The following FOCAD variants were observed in gnomAD, a reference collection of about 807,000 sequenced individuals.
FOCAD encodes the protein KIAA1797.
A neutral mutation model predicts 225.6 loss-of-function variants in FOCAD; 198 were observed. The observed-to-expected ratio is 0.88, with a 90% CI of 0.78 to 0.99. The LOEUF is 0.99. Among genes scored for constraint, FOCAD ranks in the 50% least tolerant of loss-of-function variants. FOCAD has a pLI of 0.00. For missense variants in FOCAD, 2,713 were observed against 2,123.6 expected, an observed-to-expected ratio of 1.28 and a Z score of -5.46; for synonymous variants, 897 against 755.0, an observed-to-expected ratio of 1.19 and a Z score of -3.08.
At chr9:20,691,551 G>T (rs865962298) in intron 1 of FOCAD, among the ~76,000 whole-genome samples, 2 of 151,644 alleles carry the variant, frequency 1.3e-5, no homozygotes, top group African/African-American at 4.9e-5. Flanking sequence ...GCGTCATCTC[G>T]GCTCACTGCA....
At chr9:20,772,897 GAT>G (rs1251444534) in intron 8 of FOCAD, among the ~76,000 whole-genome samples, 1 of 151,036 alleles carries the variant, frequency 6.6e-6, no homozygotes, top group Non-Finnish European at 1.5e-5. Flanking sequence ...ATGTGTAGTA[GAT>G]ATATATATGT....
intron 15 of FOCAD, among the ~76,000 whole-genome samples, chr9:20,828,674 AG>A (rs1489997310): frequency 1.3e-5 from 2 of 152,234 alleles, no homozygotes; most frequent in African/African-American, 4.8e-5. Flanking sequence ...CAGGATATGC[AG>A]GTGTGTTACA....
rs1316326762 is a variant in FOCAD at position 20,995,576 on chromosome 9, G to A, written c.5353G>A (p.Val1785Ile). The A allele has an allele frequency of 1.2e-6, 2 of 1,612,732 alleles. No individual in the cohort carries two copies. The highest frequency in any genetic ancestry group is 1.7e-6 in the Non-Finnish European group (2 of 1,178,970). ...CTTAGCCACCCTGCTGTCCTTGAGA[G>A]TTCTCCCAGAGTTTAAGAAGAAAGC... Reference protein sequence around the residue: ...LLKATLLSLRVLPEFKKKAVW... With the variant: ...LLKATLLSLRILPEFKKKAVW... Residue 1785 changes from valine (V) to isoleucine (I), a missense_variant, in exon 44 of 44, where the codon GTT becomes ATT. Coordinates refer to ENST00000338382, the MANE Select transcript of FOCAD (RefSeq NM_001375567.1).
At chr9:20,911,600 G>A (rs1031692774) in intron 22 of FOCAD, among the ~76,000 whole-genome samples, 4 of 152,092 alleles carry the variant, frequency 2.6e-5, no homozygotes, top group African/African-American at 7.2e-5. Flanking sequence ...ATCTAATAAC[G>A]GTAGCTATTA....
intron 30 of FOCAD, among the ~76,000 whole-genome samples, chr9:20,947,111 T>A (rs1229940243): frequency 2.6e-5 from 4 of 152,118 alleles, no homozygotes; most frequent in African/African-American, 9.7e-5. Context: ...ATAAAATATA[T>A]GGCTAGGGAA....
chr9:20,684,111 G>C (rs1287876886), upstream of FOCAD: 22 of 152,302 alleles, frequency 1.4e-4, no homozygotes, highest in Admixed American at 1.4e-3. Flanking sequence ...TGCGCGGCCC[G>C]GGCCTTAGAC....
chr9:20,805,049 C>T (rs539660314), intron 11 of FOCAD, among the ~76,000 whole-genome samples: 18 of 152,148 alleles, frequency 1.2e-4, no homozygotes, highest in East Asian at 9.7e-4. Flanking sequence ...TAATAGTTTC[C>T]GCAGGGAAAT....
At chr9:20,713,474 AGT>A (rs985567798) in intron 1 of FOCAD, among the ~76,000 whole-genome samples, 5 of 152,334 alleles carry the variant, frequency 3.3e-5, no homozygotes, top group African/African-American at 1.2e-4. Context: ...TAAAATGGAA[AGT>A]GTGCACTTCT....
intron 11 of FOCAD, among the ~76,000 whole-genome samples, chr9:20,816,917 A>T (rs575782159): frequency 1.3e-5 from 2 of 152,278 alleles, no homozygotes; most frequent in African/African-American, 4.8e-5. Flanking sequence ...AAAGTGTATG[A>T]AAGGATGTGC....
At chr9:20,921,001 A>G (rs931148588) in intron 24 of FOCAD, among the ~76,000 whole-genome samples, 16 of 151,394 alleles carry the variant, frequency 1.1e-4, no homozygotes, top group Non-Finnish European at 1.5e-5. Flanking sequence ...AAATAAATAA[A>G]TGAAGGTGAA....
chr9:20,770,137 A>G lies in FOCAD; in HGVS notation c.805A>G (p.Ser269Gly), dbSNP rs758140968. 3.7e-6 allele frequency: 6 copies of G among 1,613,994 alleles called. No homozygotes were observed. The Admixed American group carries it at 8.3e-5, about 22-fold the overall frequency. Residue 269 changes from serine to glycine, a missense_variant, in exon 8 of 44, where the codon AGT (serine) becomes GGT (glycine). Transcript: ENST00000338382. ...VFWKIQLTQMSLQLLCVSEVS... is the reference protein window; with the variant it reads ...VFWKIQLTQMGLQLLCVSEVS... ...CTGGAAAATTCAGCTTACCCAGATG[A>G]GTCTTCAGCTGCTGTGTGTCAGTGA...
intron 4 of FOCAD, among the ~76,000 whole-genome samples, chr9:20,735,658 A>G (rs556737894): frequency 1.1e-4 from 17 of 151,632 alleles, no homozygotes; most frequent in Admixed American, 1.0e-3. Flanking sequence ...TAGGACTACA[A>G]GTGTGTGCCA....
rs140399636 is a variant in FOCAD, at chr9:20,733,286, G to A, written c.288-6950G>A. On this transcript the variant is annotated intron_variant, in intron 4 of 43. Coordinates refer to ENST00000338382, the MANE Select transcript of FOCAD (RefSeq NM_001375567.1). ...ATACAGGTCCTAAGCAGAAGACACC[G>A]TGGTTATTTCATTGTTTATTTCAAT... Among the ~76,000 whole-genome samples the A allele has an allele frequency of 4.6e-4, 70 of 152,242 alleles. 1 individual carries two copies. Among genetic ancestry groups the A allele is most frequent in the African/African-American group, 1.4e-3 (60 of 41,548 alleles).
chr9:20,929,420 G>A lies in FOCAD; in HGVS notation c.3141G>A (p.Leu1047=), dbSNP rs763086745. The change falls in exon 27 of 44, where the codon TTG becomes TTA. Residue 1047 remains leucine, a synonymous_variant. Transcript: ENST00000338382. ...CCCGTTCTGCTGCCGCCACGGCTTT[G>A]TCTCTCCTTGTGCCAGTTTTCATTA... ...AIARSAAATA[L]SLLVPVFIIS... is the part of the protein sequence containing the mutation. 2.6e-5 allele frequency: 42 copies of A among 1,614,092 alleles called. No individual in the cohort carries two copies. Among genetic ancestry groups the A allele is most frequent in the Non-Finnish European group, 3.5e-5 (41 of 1,180,012 alleles).
intron 15 of FOCAD, among the ~76,000 whole-genome samples, chr9:20,845,432 T>A (rs1826982147): frequency 7.5e-6 from 1 of 133,172 alleles, no homozygotes; most frequent in Non-Finnish European, 1.6e-5. Context: ...ATTTTATGCA[T>A]CTTTTCCTCG....
intron 11 of FOCAD, among the ~76,000 whole-genome samples, chr9:20,809,607 G>A (rs1027629442): frequency 5.3e-5 from 8 of 151,990 alleles, no homozygotes; most frequent in African/African-American, 1.9e-4. Context: ...ATCTTAAAAT[G>A]TTTCCTTGTT....
At chr9:20,769,577 G>A (rs1817976892) in intron 7 of FOCAD, among the ~76,000 whole-genome samples, 1 of 152,190 alleles carries the variant, frequency 6.6e-6, no homozygotes, top group Non-Finnish European at 1.5e-5. Context: ...TCTCAGTTAA[G>A]GCTGCCTGAG....
chr9:20,886,642 T>G (rs1339616716), intron 21 of FOCAD, among the ~76,000 whole-genome samples: 2 of 152,150 alleles, frequency 1.3e-5, no homozygotes, highest in Admixed American at 6.6e-5. Context: ...CTAGAAAATT[T>G]CAAAGGGAAA....
intron 19 of FOCAD, among the ~76,000 whole-genome samples, chr9:20,880,940 C>T (rs566344988): frequency 1.3e-5 from 2 of 152,166 alleles, no homozygotes; most frequent in South Asian, 4.1e-4. Context: ...TGAATATGAA[C>T]CTATAGTCTT....
Sources: gnomAD v4.1 joint callset for allele counts (sites outside exome capture counted in the v4.1 genomes callset) on GRCh38, gnomAD v4.1.1 for gene constraint, MANE v1.5 for transcripts, NCBI Gene and HGNC (gene_info 2026-07-23, HGNC 2026-07-21) for gene names.